CBR4: variants seen among roughly 807,000 people sequenced by gnomAD.
The protein encoded by CBR4 is 3-oxoacyl-[acyl-carrier-protein] reductase.
In CBR4, 22 loss-of-function variants were observed where a neutral mutation model predicts 21.0. That is an observed-to-expected ratio of 1.05 (90% confidence interval 0.75 to 1.50). CBR4 has a LOEUF of 1.50. Among genes scored for constraint, CBR4 ranks in the 40% most tolerant of loss-of-function variants. CBR4 has a pLI of 0.00. For synonymous variants in CBR4, 100 were observed against 104.4 expected (o/e 0.96, Z 0.26); for missense variants, 302 against 286.3 (o/e 1.05, Z -0.40).
At chr4:168,997,240 A>G (rs902726051) in intron 4 of CBR4, among the ~76,000 whole-genome samples, 1 of 152,216 alleles carries the variant, frequency 6.6e-6, no homozygotes. Flanking sequence ...CTACAAAGTT[A>G]TCACTTCTTA....
chr4:168,921,763 T>C (rs1444689708), intron 2 of CBR4: 2 of 1,568,860 alleles, frequency 1.3e-6, no homozygotes, highest in East Asian at 2.2e-5. Flanking sequence ...TGTGAATCCT[T>C]GCTCTCTGAC....
chr4:168,993,706 ACT>A (rs2126819258), intron 4 of CBR4, among the ~76,000 whole-genome samples: 1 of 152,300 alleles, frequency 6.6e-6, no homozygotes, highest in Non-Finnish European at 1.5e-5. Flanking sequence ...CTTCCCAGTA[ACT>A]CTCACAAACT....
chr4:168,911,959 CCTGT>C (rs2151387184), intron 2 of CBR4, among the ~76,000 whole-genome samples: 1 of 151,952 alleles, frequency 6.6e-6, no homozygotes, highest in South Asian at 2.1e-4. Context: ...TCATTCTTCT[CCTGT>C]CTGTATTACA....
rs72975289 is a variant in CBR4, at chr4:169,009,020, G to T, written c.142+928C>A. On this transcript the variant is annotated intron_variant, in intron 1 of 4. Transcript: ENST00000306193. ...GATCTCTAGAGCCAGTAAATCAGGA[G>T]TTGGGGTCCAGCACGGGCAACATAA... The T allele has an allele frequency of 1.0e-3, 454 of 449,220 alleles. 1 individual carries two copies. The highest frequency in any genetic ancestry group is 8.8e-3 in the African/African-American group (420 of 47,850). The allele number at this position is 449,220 out of a possible 1,614,324, so 27.8% of individuals were successfully genotyped here.
intron 2 of CBR4, among the ~76,000 whole-genome samples, chr4:168,911,952 T>G (rs1480831037): frequency 6.6e-6 from 1 of 152,170 alleles, no homozygotes. Flanking sequence ...TAATTCCTCA[T>G]TCTTCTCCTG....
intron 2 of CBR4, among the ~76,000 whole-genome samples, chr4:168,917,470 A>T (rs995281979): frequency 2.0e-5 from 3 of 152,230 alleles, no homozygotes; most frequent in Non-Finnish European, 4.4e-5. Flanking sequence ...AAAGGAGTTT[A>T]GGGAAAAAAT....
rs577454433 is a variant in CBR4, at chr4:168,926,290, G to C, written n.170-31525C>G. 4.5e-5 allele frequency: 69 copies of C among 1,537,120 alleles called. No homozygotes were observed. The highest frequency in any genetic ancestry group is 5.9e-5 in the Non-Finnish European group (68 of 1,146,806). On this transcript the variant is annotated intron_variant and non_coding_transcript_variant, in intron 2 of 3. Coordinates refer to the CBR4 transcript ENST00000509108. ...AGCCAGTCGCTATGCAGCACTTTCG[G>C]ACCAGGGACTAGACATCAAAGCAGC...
Position 168,979,573 on chromosome 4 carries a change from C to T in CBR4, n.169+22498G>A, listed in dbSNP as rs558846646. Among the ~76,000 whole-genome samples the T allele has an allele frequency of 2.0e-5, 3 of 152,140 alleles. No homozygotes were observed. In the East Asian group the frequency reaches 5.8e-4, roughly 29 times the overall value. ...CATTGCGGGGCTTCAGCGGTACGGCCCTAGCTGCCCTTGGGCTGCAGAACG... is the reference window on the plus strand; with the variant it reads ...CATTGCGGGGCTTCAGCGGTACGGCTCTAGCTGCCCTTGGGCTGCAGAACG... On this transcript the variant is annotated intron_variant and non_coding_transcript_variant, in intron 2 of 3. Coordinates refer to the CBR4 transcript ENST00000509108.
intron 3 of CBR4, among the ~76,000 whole-genome samples, chr4:169,003,127 G>A (rs1450535093): frequency 2.6e-5 from 4 of 152,128 alleles, no homozygotes; most frequent in Non-Finnish European, 5.9e-5. Flanking sequence ...TCTTATTTAA[G>A]AAACATTTTA....
Position 168,923,450 on chromosome 4 carries a change from TA to T in CBR4, n.170-28686del, listed in dbSNP as rs558925526. 4.8e-3 allele frequency among the ~76,000 whole-genome samples: 734 copies of T among 152,312 alleles called. 4 individuals are homozygous for T. Among genetic ancestry groups the T allele is most frequent in the Middle Eastern group, 0.01 (3 of 294 alleles). On this transcript the variant is annotated intron_variant and non_coding_transcript_variant, in intron 2 of 3. Coordinates refer to the CBR4 transcript ENST00000509108. ...TGTTGGTAGTTCAAAAGAAAATAAG[TA>T]AACCTTATTCATTCTCTGAAGTACT...
chr4:168,995,082 C>T (rs897916585), intron 4 of CBR4, among the ~76,000 whole-genome samples: 4 of 152,094 alleles, frequency 2.6e-5, no homozygotes, highest in Admixed American at 1.3e-4. Context: ...CCCTACAACA[C>T]TACGATTCAA....
intron 2 of CBR4, among the ~76,000 whole-genome samples, chr4:168,926,037 G>GTAAATCTGCAACA (rs1230738492): frequency 2.0e-5 from 3 of 152,098 alleles, no homozygotes; most frequent in Non-Finnish European, 4.4e-5. Flanking sequence ...TGTATAGACA[G>GTAAATCTGCAACA]TAAATCTGCA....
At chr4:168,977,145 A>C (rs1441380667) in intron 2 of CBR4, among the ~76,000 whole-genome samples, 1 of 152,030 alleles carries the variant, frequency 6.6e-6, no homozygotes, top group Non-Finnish European at 1.5e-5. Flanking sequence ...GAGTCTCCAG[A>C]CCCTGTTCTG....
chr4:168,924,955 G>A, intron 2 of CBR4: 1 of 1,613,996 alleles, frequency 6.2e-7, no homozygotes, highest in Non-Finnish European at 8.5e-7. Context: ...CATGCACCAG[G>A]ACAACCACGG....
chr4:168,947,713 T>G (rs1373688652), intron 2 of CBR4, among the ~76,000 whole-genome samples: 2 of 152,186 alleles, frequency 1.3e-5, no homozygotes, highest in Non-Finnish European at 2.9e-5. Context: ...ATTAATTCAT[T>G]CCTTTTTATG....
intron 2 of CBR4, among the ~76,000 whole-genome samples, chr4:168,932,626 T>C (rs1763001442): frequency 6.6e-6 from 1 of 152,256 alleles, no homozygotes; most frequent in East Asian, 1.9e-4. Flanking sequence ...CTGAGGCACA[T>C]TATAGTCAAA....
chr4:168,979,825 T>C (rs1415040077), intron 2 of CBR4, among the ~76,000 whole-genome samples: 1 of 152,180 alleles, frequency 6.6e-6, no homozygotes, highest in Non-Finnish European at 1.5e-5. Flanking sequence ...ACAGCTCCTC[T>C]GCCACTGCCA....
chr4:168,958,097 T>G (rs1410893834), intron 2 of CBR4, among the ~76,000 whole-genome samples: 5 of 152,124 alleles, frequency 3.3e-5, no homozygotes, highest in African/African-American at 1.2e-4. Context: ...AAACCCCGTC[T>G]CTATTAAAAA....
rs570746940 is a variant in CBR4 at position 168,988,155 on chromosome 4, A to C, written c.*1995T>G. 1 of 985,414 alleles carries C rather than the reference A, an allele frequency of 1.0e-6. No homozygotes were observed. The highest frequency in any genetic ancestry group is 1.1e-4 in the East Asian group (1 of 8,824). The allele number at this position is 985,414 out of a possible 1,614,324, so 61.0% of individuals were successfully genotyped here. A position where few individuals can be genotyped will look rare whatever the true frequency, so the allele number is the denominator to read the frequency against. On this transcript the variant is annotated 3_prime_UTR_variant, in exon 5 of 5. Transcript: ENST00000306193. ...TTCAGAAATAGAAGGTAAGTATTAA[A>C]TTACAAATTCTACTAGGTCAGTGGG...
Sources: allele counts gnomAD v4.1 joint callset (sites outside exome capture counted in the v4.1 genomes callset), GRCh38; gene constraint gnomAD v4.1.1; transcripts MANE v1.5; gene names NCBI Gene and HGNC (gene_info 2026-07-23, HGNC 2026-07-21).